The following CACNA2D3 variants were observed in gnomAD, a reference collection of about 807,000 sequenced individuals.
CACNA2D3 encodes voltage-dependent calcium channel subunit alpha-2/delta-3.
CACNA2D3 carries 60 observed loss-of-function variants against 160.6 expected under a neutral mutation model. The observed-to-expected ratio is 0.37, with a 90% CI of 0.30 to 0.46. CACNA2D3 has a LOEUF of 0.46. Ranked by LOEUF, CACNA2D3 falls within the 20% of genes least tolerant of loss-of-function variation. The pLI is 1.00. For synonymous variants in CACNA2D3, 558 were observed against 492.9 expected (o/e 1.13, Z -1.75); for missense variants, 1,205 against 1,365.0 (o/e 0.88, Z 1.85).
chr3:54,672,111 G>A (rs1293409021), intron 11 of CACNA2D3, among the ~76,000 whole-genome samples: 1 of 152,232 alleles, frequency 6.6e-6, no homozygotes, highest in African/African-American at 2.4e-5. Flanking sequence ...GAGCATGTGA[G>A]TATCAGGAGA....
At chr3:54,882,295 T>C (rs1254369131) in intron 21 of CACNA2D3, among the ~76,000 whole-genome samples, 1 of 152,200 alleles carries the variant, frequency 6.6e-6, no homozygotes, top group Non-Finnish European at 1.5e-5. Flanking sequence ...TAGGAGAGGT[T>C]ATTAAGAGAT....
chr3:54,680,969 C>T (rs1700334902), intron 11 of CACNA2D3, among the ~76,000 whole-genome samples: 1 of 152,008 alleles, frequency 6.6e-6, no homozygotes, highest in East Asian at 1.9e-4. Flanking sequence ...CTTTCTTAAG[C>T]CATGGAATGT....
chr3:54,710,245 G>A (rs1700930698), intron 11 of CACNA2D3, among the ~76,000 whole-genome samples: 1 of 152,206 alleles, frequency 6.6e-6, no homozygotes, highest in Non-Finnish European at 1.5e-5. Flanking sequence ...GTATGATGAA[G>A]GGAAAATCAA....
At chr3:54,282,248 A>T (rs1452504672) in intron 2 of CACNA2D3, among the ~76,000 whole-genome samples, 1 of 152,226 alleles carries the variant, frequency 6.6e-6, no homozygotes, top group Non-Finnish European at 1.5e-5. Context: ...TCTATGTCAA[A>T]TATCTGTAAT....
At chr3:54,442,043 A>G (rs868576547) in intron 4 of CACNA2D3, among the ~76,000 whole-genome samples, 1 of 152,314 alleles carries the variant, frequency 6.6e-6, no homozygotes, top group Middle Eastern at 3.4e-3. Flanking sequence ...TCCTGGGTTC[A>G]AGCAATCCTC....
At chr3:54,483,725 C>T (rs934743433) in intron 4 of CACNA2D3, among the ~76,000 whole-genome samples, 1 of 152,134 alleles carries the variant, frequency 6.6e-6, no homozygotes, top group African/African-American at 2.4e-5. Context: ...TGTTGCAAAA[C>T]CCATAAGGAA....
chr3:54,820,949 A>T lies in CACNA2D3; in HGVS notation c.1398+4079A>T, dbSNP rs564125267. The stretch of plus-strand genomic sequence containing the variant: ...CTAAACATCAGTTATTCACTGCAGG[A>T]TTAATTTAATCAATGTAGGTTTAAT... On this transcript the variant is annotated intron_variant, in intron 14 of 37. Transcript: ENST00000474759. Among the ~76,000 whole-genome samples, 19 of 152,284 alleles carry T rather than the reference A, an allele frequency of 1.2e-4. 1 individual carries two copies. The South Asian group carries it at 3.7e-3, about 30-fold the overall frequency.
intron 3 of CACNA2D3, among the ~76,000 whole-genome samples, chr3:54,343,194 C>G (rs569877791): frequency 2.0e-5 from 3 of 152,310 alleles, no homozygotes; most frequent in South Asian, 2.1e-4. Context: ...TAAAGCCCCC[C>G]CCTCCCACGA....
At chr3:54,948,968 G>C (rs995255059) in intron 27 of CACNA2D3, among the ~76,000 whole-genome samples, 2 of 152,196 alleles carry the variant, frequency 1.3e-5, no homozygotes, top group Non-Finnish European at 2.9e-5. Context: ...GTTATAACCA[G>C]CTTCAGGTAC....
At chr3:54,319,594 A>C (rs1703943755) in intron 2 of CACNA2D3, among the ~76,000 whole-genome samples, 1 of 152,222 alleles carries the variant, frequency 6.6e-6, no homozygotes, top group African/African-American at 2.4e-5. Flanking sequence ...ATTTCCTTCC[A>C]CTAGGAACAA....
chr3:54,553,601 G>T (rs911019849), intron 5 of CACNA2D3, among the ~76,000 whole-genome samples: 2 of 152,214 alleles, frequency 1.3e-5, no homozygotes, highest in African/African-American at 4.8e-5. Flanking sequence ...TTGGGTAAAT[G>T]TAGTTTGTCT....
intron 14 of CACNA2D3, among the ~76,000 whole-genome samples, chr3:54,831,850 C>T (rs1483633882): frequency 6.6e-6 from 1 of 152,036 alleles, no homozygotes; most frequent in Non-Finnish European, 1.5e-5. Context: ...ATTTCATGCT[C>T]ATTGAAGCTA....
chr3:54,314,758 A>G (rs781712590), intron 2 of CACNA2D3, among the ~76,000 whole-genome samples: 4 of 152,188 alleles, frequency 2.6e-5, no homozygotes, highest in Non-Finnish European at 4.4e-5. Flanking sequence ...ACTCGTTATC[A>G]TGTGCTTGGT....
chr3:54,759,660 T>A (rs983237949), intron 12 of CACNA2D3, among the ~76,000 whole-genome samples: 1 of 152,200 alleles, frequency 6.6e-6, no homozygotes, highest in Non-Finnish European at 1.5e-5. Context: ...AACTATAGAC[T>A]GGGGTTTGAG....
intron 21 of CACNA2D3, among the ~76,000 whole-genome samples, chr3:54,881,313 A>T (rs949523307): frequency 6.6e-6 from 1 of 152,170 alleles, no homozygotes; most frequent in Admixed American, 6.5e-5. Flanking sequence ...TCTCCTACAC[A>T]GTTGAGCCAC....
At chr3:54,512,753 G>A (rs976483961) in intron 5 of CACNA2D3, among the ~76,000 whole-genome samples, 1 of 152,186 alleles carries the variant, frequency 6.6e-6, no homozygotes, top group Non-Finnish European at 1.5e-5. Context: ...TTGCTCCCAG[G>A]AAGCTTGGTG....
chr3:54,982,507 A>G (rs1266553429), intron 29 of CACNA2D3, among the ~76,000 whole-genome samples: 2 of 152,112 alleles, frequency 1.3e-5, no homozygotes, highest in Non-Finnish European at 2.9e-5. Flanking sequence ...TCTCTTCAGT[A>G]TCATCCACCT....
intron 4 of CACNA2D3, among the ~76,000 whole-genome samples, chr3:54,461,294 A>G (rs1289438154): frequency 2.0e-5 from 3 of 151,120 alleles, no homozygotes; most frequent in Non-Finnish European, 4.4e-5. Flanking sequence ...GCCTCATAAA[A>G]TGAGTTAGGG....
chr3:54,147,021 T>C (rs1314811173), intron 2 of CACNA2D3, among the ~76,000 whole-genome samples: 1 of 152,248 alleles, frequency 6.6e-6, no homozygotes, highest in Admixed American at 6.5e-5. Flanking sequence ...ATGAGGCTGA[T>C]AATATCCCTA....
Sources: gnomAD v4.1 joint callset for allele counts (sites outside exome capture counted in the v4.1 genomes callset) on GRCh38, gnomAD v4.1.1 for gene constraint, MANE v1.5 for transcripts, NCBI Gene and HGNC (gene_info 2026-07-23, HGNC 2026-07-21) for gene names.